Variants in CTNND2 observed in about 807,000 individuals in gnomAD.
CTNND2 encodes the protein catenin delta-2.
Under a neutral mutation model 144.4 loss-of-function variants are expected in CTNND2, and 22 were observed. That is an observed-to-expected ratio of 0.15 (90% confidence interval 0.11 to 0.22). CTNND2 has a LOEUF of 0.22. CTNND2 is among the 10% of genes least tolerant of loss of function. CTNND2 has a pLI of 1.00. For missense variants in CTNND2, 1,353 were observed against 1,618.8 expected, an observed-to-expected ratio of 0.84 and a Z score of 2.82; for synonymous variants, 751 against 695.6, an observed-to-expected ratio of 1.08 and a Z score of -1.25.
At chr5:11,182,130 TG>T (rs1240172000) in intron 11 of CTNND2, among the ~76,000 whole-genome samples, 3 of 120,166 alleles carry the variant, frequency 2.5e-5, no homozygotes, top group African/African-American at 9.6e-5. Context: ...TGTGTGTGGA[TG>T]GGGTGTGTGT....
intron 1 of CTNND2, among the ~76,000 whole-genome samples, chr5:11,870,314 G>T (rs1489378587): frequency 2.6e-5 from 4 of 152,182 alleles, no homozygotes; most frequent in Non-Finnish European, 4.4e-5. Context: ...AGCCTGTAAT[G>T]CAAAGGACAG....
chr5:11,878,734 G>A (rs1441310749), intron 1 of CTNND2, among the ~76,000 whole-genome samples: 1 of 152,102 alleles, frequency 6.6e-6, no homozygotes. Context: ...ACTCACTGTG[G>A]AGACTCACTC....
At chr5:11,506,360 T>C (rs112537334) in intron 3 of CTNND2, among the ~76,000 whole-genome samples, 18 of 152,322 alleles carry the variant, frequency 1.2e-4, no homozygotes, top group African/African-American at 4.3e-4. Context: ...AAATAAGCAG[T>C]ATATTGTTTT....
At chr5:11,013,845 C>T (rs1192751250) in intron 18 of CTNND2, among the ~76,000 whole-genome samples, 1 of 152,184 alleles carries the variant, frequency 6.6e-6, no homozygotes, top group Non-Finnish European at 1.5e-5. Context: ...TGAGCTCTCA[C>T]CCCGGGGTGT....
intron 3 of CTNND2, among the ~76,000 whole-genome samples, chr5:11,450,307 T>TA (rs1297277201): frequency 2.4e-4 from 36 of 152,186 alleles, no homozygotes; most frequent in Middle Eastern, 3.2e-3. Context: ...TATGTCACCA[T>TA]AAAAATTCCC....
At chr5:11,745,434 G>A (rs1381760507) in intron 1 of CTNND2, among the ~76,000 whole-genome samples, 1 of 152,098 alleles carries the variant, frequency 6.6e-6, no homozygotes, top group Non-Finnish European at 1.5e-5. Flanking sequence ...AGTTTCCAAG[G>A]GGTCCACACT....
intron 10 of CTNND2, among the ~76,000 whole-genome samples, chr5:11,228,856 C>T (rs546098462): frequency 7.9e-5 from 12 of 152,298 alleles, no homozygotes; most frequent in African/African-American, 2.9e-4. Flanking sequence ...TATCAGTACA[C>T]TCTTTTGCTT....
intron 1 of CTNND2, among the ~76,000 whole-genome samples, chr5:11,844,730 A>T (rs1794651771): frequency 6.6e-6 from 1 of 152,120 alleles, no homozygotes; most frequent in Admixed American, 6.6e-5. Flanking sequence ...GATTTTTAAA[A>T]ATCTCAATAA....
At chr5:11,358,846 G>T (rs1756164366) in intron 8 of CTNND2, among the ~76,000 whole-genome samples, 1 of 152,084 alleles carries the variant, frequency 6.6e-6, no homozygotes, top group Non-Finnish European at 1.5e-5. Flanking sequence ...TAGCAAGTTT[G>T]CTCCTTGCAA....
At chr5:11,249,582 G>A (rs1003831760) in intron 9 of CTNND2, among the ~76,000 whole-genome samples, 1 of 152,134 alleles carries the variant, frequency 6.6e-6, no homozygotes. Context: ...CCAGGCTACT[G>A]TGAGTTGTGT....
At chr5:11,009,658 C>CA (rs879715947) in intron 18 of CTNND2, among the ~76,000 whole-genome samples, 3 of 152,166 alleles carry the variant, frequency 2.0e-5, no homozygotes, top group Non-Finnish European at 2.9e-5. Flanking sequence ...GGGTTTGATT[C>CA]AAAAATGTTA....
intron 1 of CTNND2, among the ~76,000 whole-genome samples, chr5:11,841,147 G>C (rs1179282311): frequency 1.3e-5 from 2 of 151,680 alleles, no homozygotes; most frequent in Non-Finnish European, 2.9e-5. Context: ...AAACAACGAT[G>C]AACAAAAAAA....
intron 3 of CTNND2, among the ~76,000 whole-genome samples, chr5:11,542,040 T>G (rs1270684175): frequency 6.6e-6 from 1 of 151,992 alleles, no homozygotes; most frequent in Non-Finnish European, 1.5e-5. Context: ...CATCACCCCC[T>G]TCCTGTTGAA....
Position 11,035,854 on chromosome 5 carries a change from T to TG in CTNND2, c.2789-12876dup, listed in dbSNP as rs1744012582. Among the ~76,000 whole-genome samples the TG allele has an allele frequency of 1.3e-4, 4 of 31,766 alleles. No individual in the cohort carries two copies. The South Asian group carries it at 5.0e-3, about 39-fold the overall frequency. 20.8% of individuals were successfully genotyped at this position (31,766 alleles called of 152,430 possible). On this transcript the variant is annotated intron_variant, in intron 16 of 21. Coordinates refer to ENST00000304623, the MANE Select transcript of CTNND2 (RefSeq NM_001332.4). ...TTATAATGCCTGGAAATAATGAACT[T>TG]GAAAAAAAAAAACAATGAAAGGTGT...
chr5:11,857,171 A>G (rs1185921534), intron 1 of CTNND2, among the ~76,000 whole-genome samples: 2 of 152,078 alleles, frequency 1.3e-5, no homozygotes, highest in African/African-American at 2.4e-5. Context: ...AATTTCCCCT[A>G]CTCTTACATG....
chr5:11,398,020 T>C (rs1760297871), intron 5 of CTNND2, among the ~76,000 whole-genome samples: 1 of 152,202 alleles, frequency 6.6e-6, no homozygotes, highest in African/African-American at 2.4e-5. Flanking sequence ...TCTTTAGGGA[T>C]CAAATAAATA....
Position 11,630,301 on chromosome 5 carries a change from A to G in CTNND2, c.175-65245T>C, listed in dbSNP as rs146049709. ...TTGTGATCTGCAGGAGGATGTCTCT[A>G]ATAATGCACACCAGGGTGGACTGCA... On this transcript the variant is annotated intron_variant, in intron 2 of 21. Coordinates refer to ENST00000304623, the MANE Select transcript of CTNND2 (RefSeq NM_001332.4). Among the ~76,000 whole-genome samples the G allele has an allele frequency of 3.5e-3, 540 of 152,272 alleles. 1 individual carries two copies. The highest frequency in any genetic ancestry group is 6.1e-3 in the Non-Finnish European group (414 of 68,008).
At chr5:11,273,601 C>T (rs533876149) in intron 9 of CTNND2, among the ~76,000 whole-genome samples, 1 of 152,134 alleles carries the variant, frequency 6.6e-6, no homozygotes, top group Admixed American at 6.5e-5. Flanking sequence ...ATCATGGGAC[C>T]GTGTGCAGCT....
At position 11,813,260 on chromosome 5, in the gene CTNND2, A is replaced by T. The variant is rs543198668; in HGVS notation, c.38-80988T>A. 2.0e-5 allele frequency among the ~76,000 whole-genome samples: 3 copies of T among 152,324 alleles called. No individual in the cohort carries two copies. In the South Asian group the frequency reaches 6.2e-4, roughly 32 times the overall value. On this transcript the variant is annotated intron_variant, in intron 1 of 21. Transcript: ENST00000304623. The stretch of plus-strand genomic sequence containing the variant: ...CAGGCTGTACCAACTACTTGTGTGT[A>T]AGTACACTCCGCAATATTCGCATAA...
Sources: allele counts gnomAD v4.1 joint callset (sites outside exome capture counted in the v4.1 genomes callset), GRCh38; gene constraint gnomAD v4.1.1; transcripts MANE v1.5; gene names NCBI Gene and HGNC (gene_info 2026-07-23, HGNC 2026-07-21).